ZNF385D: variants seen among roughly 807,000 people sequenced by gnomAD.
ZNF385D encodes the protein zinc finger protein 385D, also known as zinc finger protein 659.
ZNF385D carries 15 observed loss-of-function variants against 35.8 expected under a neutral mutation model. That is an observed-to-expected ratio of 0.42 (90% CI 0.28 to 0.64). The LOEUF (loss-of-function observed/expected upper bound fraction) is 0.64. Ranked by LOEUF, ZNF385D falls within the 30% of genes least tolerant of loss-of-function variation. The pLI, the probability that ZNF385D is intolerant of heterozygous loss-of-function variation, is 0.23. For synonymous variants in ZNF385D, 212 were observed against 186.8 expected (o/e 1.13, Z -1.10); for missense variants, 474 against 494.6 (o/e 0.96, Z 0.39).
chr3:22,179,032 T>A (rs1226385322), intron 2 of ZNF385D, among the ~76,000 whole-genome samples: 4 of 152,108 alleles, frequency 2.6e-5, no homozygotes, highest in African/African-American at 9.7e-5. Context: ...GCCTCCAGCT[T>A]TGTTCTTTTG....
At chr3:21,853,557 G>A (rs2336054) in intron 3 of ZNF385D, among the ~76,000 whole-genome samples, 29,978 of 144,218 alleles carry the variant, frequency 0.21, 3,248 homozygotes, top group Admixed American at 0.27. Flanking sequence ...TATCATAAAT[G>A]CCTCAGTACG....
At chr3:22,008,682 C>T (rs956879448) in intron 3 of ZNF385D, among the ~76,000 whole-genome samples, 10 of 152,066 alleles carry the variant, frequency 6.6e-5, no homozygotes, top group African/African-American at 2.2e-4. Context: ...AACCACAATG[C>T]AATCAAGTTG....
chr3:22,200,688 G>A (rs1050845601), intron 2 of ZNF385D, among the ~76,000 whole-genome samples: 1 of 152,060 alleles, frequency 6.6e-6, no homozygotes, highest in African/African-American at 2.4e-5. Context: ...ATGGGAGACT[G>A]GGGTCTATTT....
intron 2 of ZNF385D, among the ~76,000 whole-genome samples, chr3:21,627,440 T>A (rs2065167941): frequency 6.6e-6 from 1 of 152,028 alleles, no homozygotes; most frequent in Non-Finnish European, 1.5e-5. Context: ...TGTCATTTTT[T>A]AAATAAGAGA....
intron 3 of ZNF385D, among the ~76,000 whole-genome samples, chr3:21,858,670 G>C: frequency 6.6e-6 from 1 of 152,062 alleles, no homozygotes; most frequent in Non-Finnish European, 1.5e-5. Flanking sequence ...GGAAATAAAT[G>C]TTTGTCATAT....
At chr3:22,002,684 A>G (rs540135718) in intron 3 of ZNF385D, among the ~76,000 whole-genome samples, 1 of 152,164 alleles carries the variant, frequency 6.6e-6, no homozygotes, top group African/African-American at 2.4e-5. Flanking sequence ...AGACACAAAA[A>G]TCTTCAGGAA....
rs575115250 is a variant in ZNF385D, at chr3:21,565,676, T to TTTA, written c.166-995_166-993dup. Among the ~76,000 whole-genome samples, 22 of 152,354 alleles carry TTTA rather than the reference T, an allele frequency of 1.4e-4. No homozygotes were observed. In the East Asian group the frequency reaches 3.3e-3, roughly 23 times the overall value. On this transcript the variant is annotated intron_variant, in intron 2 of 7. Coordinates refer to ENST00000281523, the MANE Select transcript of ZNF385D (RefSeq NM_024697.3). ...GGGCGCATTAAATAGATGCTGGCTA[T>TTTA]TTATTATTATATGTTCTGTGTTGTA... is the stretch of plus-strand genomic sequence containing the variant.
intron 2 of ZNF385D, among the ~76,000 whole-genome samples, chr3:22,372,231 T>A (rs542624263): frequency 7.0e-4 from 107 of 152,128 alleles, no homozygotes; most frequent in African/African-American, 2.5e-3. Flanking sequence ...TCTCTTCTCC[T>A]TGGCACCGAG....
chr3:21,777,489 T>C (rs1379855815), intron 3 of ZNF385D: 2 of 151,892 alleles, frequency 1.3e-5, no homozygotes, highest in Non-Finnish European at 2.9e-5. Flanking sequence ...CAGCCTATTC[T>C]CTGACGGTGC....
At chr3:22,084,381 A>C (rs1477109646) in intron 3 of ZNF385D, among the ~76,000 whole-genome samples, 1 of 152,198 alleles carries the variant, frequency 6.6e-6, no homozygotes, top group Non-Finnish European at 1.5e-5. Context: ...GGGATGGAGG[A>C]AGATCTACCA....
chr3:21,585,235 A>C lies in ZNF385D; in HGVS notation c.166-20551T>G, dbSNP rs560756606. 1.7e-4 allele frequency among the ~76,000 whole-genome samples: 26 copies of C among 152,332 alleles called. 1 individual carries two copies. In the East Asian group the frequency reaches 5.0e-3, roughly 29 times the overall value. ...CATAAAAAACTATTCCATTTAAATA[A>C]TAGGCTTTCTAAGTAACATTTTGCC... On this transcript the variant is annotated intron_variant, in intron 2 of 7. Transcript: ENST00000281523.
chr3:22,355,195 C>T (rs1357108484), intron 2 of ZNF385D, among the ~76,000 whole-genome samples: 2 of 151,954 alleles, frequency 1.3e-5, no homozygotes, highest in Non-Finnish European at 2.9e-5. Flanking sequence ...AAGAAAGTTG[C>T]AACTATAAAC....
At chr3:22,356,633 T>A (rs1696162418) in intron 2 of ZNF385D, among the ~76,000 whole-genome samples, 1 of 151,918 alleles carries the variant, frequency 6.6e-6, no homozygotes, top group Non-Finnish European at 1.5e-5. Context: ...GAATATTAGA[T>A]AGGTAGATAA....
At chr3:22,169,936 A>T (rs1355943974) in intron 2 of ZNF385D, among the ~76,000 whole-genome samples, 1 of 152,200 alleles carries the variant, frequency 6.6e-6, no homozygotes, top group East Asian at 1.9e-4. Context: ...CTGGAACTAC[A>T]GGTGTGTGCC....
chr3:21,446,199 C>A (rs1437175400), intron 4 of ZNF385D, among the ~76,000 whole-genome samples: 3 of 152,202 alleles, frequency 2.0e-5, no homozygotes, highest in Non-Finnish European at 4.4e-5. Flanking sequence ...AGAACCACCA[C>A]TGACAGATCT....
At chr3:21,456,738 AAAAT>A (rs10662695) in intron 4 of ZNF385D, among the ~76,000 whole-genome samples, 2 of 151,246 alleles carry the variant, frequency 1.3e-5, no homozygotes, top group African/African-American at 2.4e-5. Flanking sequence ...AGTATAATAA[AAAAT>A]AAATAAATAA....
At chr3:22,106,715 C>G (rs1702232089) in intron 3 of ZNF385D, among the ~76,000 whole-genome samples, 2 of 152,180 alleles carry the variant, frequency 1.3e-5, no homozygotes, top group South Asian at 4.1e-4. Flanking sequence ...GGAGTTGAAC[C>G]TGTCTTCCAG....
At chr3:21,726,455 A>T (rs2068769968) in intron 1 of ZNF385D, among the ~76,000 whole-genome samples, 1 of 152,214 alleles carries the variant, frequency 6.6e-6, no homozygotes, top group Non-Finnish European at 1.5e-5. Flanking sequence ...AAATCTCCTT[A>T]AGCAGATAAA....
At chr3:21,565,135 A>G (rs887986793) in intron 2 of ZNF385D, among the ~76,000 whole-genome samples, 5 of 152,110 alleles carry the variant, frequency 3.3e-5, no homozygotes, top group Non-Finnish European at 7.4e-5. Flanking sequence ...ACCTTATGCT[A>G]TGTTTGGTAT....
Sources: allele counts gnomAD v4.1 joint callset (sites outside exome capture counted in the v4.1 genomes callset), GRCh38; gene constraint gnomAD v4.1.1; transcripts MANE v1.5; gene names NCBI Gene and HGNC (gene_info 2026-07-23, HGNC 2026-07-21).